Variants in UNC5A observed in about 807,000 individuals in gnomAD.
UNC5A encodes unc-5 netrin receptor A.
A neutral mutation model predicts 87.4 loss-of-function variants in UNC5A; 20 were observed. That is an observed-to-expected ratio of 0.23 (90% CI 0.16 to 0.33). The LOEUF (loss-of-function observed/expected upper bound fraction) is 0.33, where lower values mean the gene tolerates loss of function less well. Ranked by LOEUF, UNC5A falls within the 10% of genes least tolerant of loss-of-function variation. UNC5A has a pLI of 1.00. For synonymous variants in UNC5A, 438 were observed against 482.3 expected (o/e 0.91, Z 1.20); for missense variants, 844 against 1,133.4 (o/e 0.74, Z 3.67).
chr5:176,829,097 A>G (rs1756923742), intron 1 of UNC5A, among the ~76,000 whole-genome samples: 1 of 148,252 alleles, frequency 6.7e-6, no homozygotes, highest in South Asian at 2.1e-4. Flanking sequence ...GCGCTGCTGC[A>G]CTCCAGCCTG....
intron 2 of UNC5A, among the ~76,000 whole-genome samples, chr5:176,863,086 T>C (rs1489299916): frequency 1.3e-5 from 2 of 152,190 alleles, no homozygotes; most frequent in Non-Finnish European, 2.9e-5. Flanking sequence ...ATTCGATCAG[T>C]CAGGCATTCA....
At position 176,877,710 on chromosome 5, in the gene UNC5A, A is replaced by C. The variant is rs1758297075; in HGVS notation, c.1635+7A>C. ...GTGCGAGGGCAGCTGGGAGGTGAGC[A>C]GGGAACTGACCCGGGCTCCAGAAGG... is the stretch of plus-strand genomic sequence containing the variant. On this transcript the variant is annotated splice_region_variant and intron_variant, in intron 10 of 14. Coordinates refer to ENST00000329542, the MANE Select transcript of UNC5A (RefSeq NM_133369.3). The C allele has an allele frequency of 6.3e-7, 1 of 1,592,350 alleles. No individual in the cohort carries two copies. The highest frequency in any genetic ancestry group is 1.3e-5 in the African/African-American group (1 of 74,494).
At chr5:176,818,984 G>A (rs1334123528) in intron 1 of UNC5A, among the ~76,000 whole-genome samples, 1 of 152,214 alleles carries the variant, frequency 6.6e-6, no homozygotes, top group African/African-American at 2.4e-5. Context: ...AGGCGACTGG[G>A]ACTGTTCAAA....
chr5:176,826,398 G>A lies in UNC5A; in HGVS notation c.70+15578G>A, dbSNP rs536937648. Among the ~76,000 whole-genome samples the A allele has an allele frequency of 2.7e-4, 41 of 152,294 alleles. No individual in the cohort carries two copies. The South Asian group carries it at 8.3e-3, about 31-fold the overall frequency. ...GCCAGGCAGGCTACTTCCACCCTTC[G>A]CAGGCCTCAGCAACCCCAGGATCAA... On this transcript the variant is annotated intron_variant, in intron 1 of 14. Transcript: ENST00000329542.
In UNC5A at chr5:176,868,592, G is replaced by A; in HGVS notation, c.468G>A (p.Leu156=). 6.2e-7 allele frequency: 1 copy of A among 1,606,590 alleles called. No individual in the cohort carries two copies. The highest frequency in any genetic ancestry group is 8.5e-7 in the Non-Finnish European group (1 of 1,177,214). The change falls in exon 4 of 15, where the codon CTG becomes CTA. Residue 156 remains leucine (L), a synonymous_variant. Transcript: ENST00000329542. Reference sequence around the variant, plus strand: ...GCAAGAACTTCGAGCAGGAGCCGCTGGCCAAGGAGGTGTCCCTGGAGCAGG... The same window carrying A: ...GCAAGAACTTCGAGCAGGAGCCGCTAGCCAAGGAGGTGTCCCTGGAGCAGG... ...YLRKNFEQEP[L]AKEVSLEQGI... is the part of the protein sequence containing the mutation.
At position 176,848,974 on chromosome 5, in the gene UNC5A, CA is replaced by C. The variant is rs1343209647; in HGVS notation, c.71-13649del. 6.6e-6 allele frequency among the ~76,000 whole-genome samples: 1 copy of C among 152,224 alleles called. No homozygotes were observed. Among genetic ancestry groups the C allele is most frequent in the Admixed American group, 6.5e-5 (1 of 15,276 alleles). On this transcript the variant is annotated intron_variant, in intron 1 of 14. Coordinates refer to ENST00000329542, the MANE Select transcript of UNC5A (RefSeq NM_133369.3). The surrounding 1 kb of genome is among the most constrained non-coding windows in gnomAD (Gnocchi z 5.8). ...CGACCTCTCCGCCTCTGTCCAGGCC[CA>C]GGGGCCTTCTTTTGGGGGCTCTGAT...
chr5:176,815,913 GA>G (rs1397352531), intron 1 of UNC5A, among the ~76,000 whole-genome samples: 1 of 152,246 alleles, frequency 6.6e-6, no homozygotes, highest in Non-Finnish European at 1.5e-5. Context: ...AGGTTCTGAA[GA>G]TGAAGATTTG....
intron 1 of UNC5A, among the ~76,000 whole-genome samples, chr5:176,847,853 C>T (rs1382020129): frequency 2.9e-5 from 4 of 137,656 alleles, no homozygotes; most frequent in Non-Finnish European, 6.3e-5. Context: ...TTCCTCTTTA[C>T]CCTCCCCCGC....
intron 1 of UNC5A, among the ~76,000 whole-genome samples, chr5:176,835,402 G>A (rs1757128830): frequency 6.6e-6 from 1 of 152,232 alleles, no homozygotes. Flanking sequence ...GGGCCTGCCT[G>A]TGGCTGGGAG....
At position 176,869,037 on chromosome 5, in the gene UNC5A, G is replaced by A; in HGVS notation, c.721+73G>A. ...CTGGGCAGTGACATGTGGCTGGTGG[G>A]GTGAAGAGAGGCCATGAGGCCAAAG... is the stretch of plus-strand genomic sequence containing the variant. On this transcript the variant is annotated intron_variant, in intron 5 of 14. Transcript: ENST00000329542. The surrounding 1 kb of genome is among the most constrained non-coding windows in gnomAD (Gnocchi z 9.1). The A allele has an allele frequency of 6.7e-7, 1 of 1,482,882 alleles. No homozygotes were observed. The highest frequency in any genetic ancestry group is 1.4e-5 in the African/African-American group (1 of 71,562). The allele number at this position is 1,482,882 out of a possible 1,614,324, so 91.9% of individuals were successfully genotyped here.
At position 176,878,305 on chromosome 5, in the gene UNC5A, A is replaced by G; in HGVS notation, c.1931A>G (p.His644Arg). ...GQLIQEPRVL[H>R]FKDSYHNLRL... ...CTGATCCAGGAGCCACGGGTCCTGC[A>G]CTTCAAGGACAGTTACCACAACCTG... Residue 644 changes from histidine (H) to arginine (R), a missense_variant, in exon 12 of 15, where the codon CAC (histidine) becomes CGC (arginine). His to Arg is a conservative substitution (Grantham distance 29). Around this residue, in one of 3 missense-constraint regions of UNC5A, gnomAD observed 177 missense variants for 279.4 expected, o/e 0.63. Transcript: ENST00000329542. 6.2e-7 allele frequency: 1 copy of G among 1,613,290 alleles called. No homozygotes were observed. The highest frequency in any genetic ancestry group is 8.5e-7 in the Non-Finnish European group (1 of 1,180,014).
rs1173347991 is a variant in UNC5A at position 176,838,645 on chromosome 5, C to T, written c.71-23979C>T. On this transcript the variant is annotated intron_variant, in intron 1 of 14. Coordinates refer to ENST00000329542, the MANE Select transcript of UNC5A (RefSeq NM_133369.3). The surrounding 1 kb of genome is among the most constrained non-coding windows in gnomAD (Gnocchi z 4.2). ...TCTGCTCTGTCTTCCCTGGTGTTGG[C>T]CATATCCTCGGCTTCCCCAGGGCAT... 6.6e-6 allele frequency among the ~76,000 whole-genome samples: 1 copy of T among 152,274 alleles called. No individual in the cohort carries two copies. Among genetic ancestry groups the T allele is most frequent in the African/African-American group, 2.4e-5 (1 of 41,476 alleles).
chr5:176,826,300 G>C (rs1350824086), intron 1 of UNC5A, among the ~76,000 whole-genome samples: 1 of 152,184 alleles, frequency 6.6e-6, no homozygotes, highest in Non-Finnish European at 1.5e-5. Flanking sequence ...ACTGGGCCTG[G>C]GCTATCATGG....
At chr5:176,812,778 C>T (rs1017242870) in intron 1 of UNC5A, among the ~76,000 whole-genome samples, 10 of 152,082 alleles carry the variant, frequency 6.6e-5, no homozygotes, top group African/African-American at 2.2e-4. Flanking sequence ...CCTGGGCCTG[C>T]GGGAGGAGCT....
At chr5:176,814,383 A>C (rs115589138) in intron 1 of UNC5A, among the ~76,000 whole-genome samples, 206 of 151,936 alleles carry the variant, frequency 1.4e-3, no homozygotes, top group African/African-American at 4.7e-3. Flanking sequence ...TGGGGTGGGC[A>C]CCCCCAGGCA....
At chr5:176,850,503 T>C (rs1228852665) in intron 1 of UNC5A, among the ~76,000 whole-genome samples, 1 of 150,922 alleles carries the variant, frequency 6.6e-6, no homozygotes, top group East Asian at 2.0e-4. Flanking sequence ...GTGGGGGCCC[T>C]GCTGACTGCA....
At position 176,852,383 on chromosome 5, in the gene UNC5A, C is replaced by T. The variant is rs1757566130; in HGVS notation, c.71-10241C>T. 5.9e-5 allele frequency among the ~76,000 whole-genome samples: 9 copies of T among 152,230 alleles called. No homozygotes were observed. In the South Asian group the frequency reaches 1.7e-3, roughly 28 times the overall value. On this transcript the variant is annotated intron_variant, in intron 1 of 14. Transcript: ENST00000329542. The stretch of plus-strand genomic sequence containing the variant: ...CACCCCACACACAGAAGCACACACA[C>T]ACACACACTACAGCTACCAAAGCAC...
At position 176,844,194 on chromosome 5, in the gene UNC5A, G is replaced by C. The variant is rs1431638540; in HGVS notation, c.71-18430G>C. 6.6e-6 allele frequency among the ~76,000 whole-genome samples: 1 copy of C among 152,170 alleles called. No individual in the cohort carries two copies. The highest frequency in any genetic ancestry group is 1.9e-4 in the East Asian group (1 of 5,190). On this transcript the variant is annotated intron_variant, in intron 1 of 14. Transcript: ENST00000329542. The surrounding 1 kb of genome is among the most constrained non-coding windows in gnomAD (Gnocchi z 4.2). The stretch of plus-strand genomic sequence containing the variant: ...GGTCCATGCTGATTGTAGCGTCTCA[G>C]GGGACAGATCAGAGGCCCCAGGCCT...
intron 1 of UNC5A, among the ~76,000 whole-genome samples, chr5:176,820,702 AG>A (rs1392523329): frequency 6.6e-6 from 1 of 152,196 alleles, no homozygotes; most frequent in Non-Finnish European, 1.5e-5. Flanking sequence ...AAGCTCTTCT[AG>A]AACCGTGCCT....
Sources: allele counts gnomAD v4.1 joint callset (sites outside exome capture counted in the v4.1 genomes callset), GRCh38; gene constraint gnomAD v4.1.1; regional missense constraint gnomAD v4.1.1; non-coding constraint Gnocchi (gnomAD v3.1); transcripts MANE v1.5; gene names NCBI Gene and HGNC (gene_info 2026-07-23, HGNC 2026-07-21).